Variants in SGCD observed in about 807,000 individuals in gnomAD.
SGCD encodes sarcoglycan delta.
In SGCD, 18 loss-of-function variants were observed where a neutral mutation model predicts 36.6. The ratio of observed to expected loss-of-function variants is 0.49; its 90% CI spans 0.34 to 0.73. The LOEUF (loss-of-function observed/expected upper bound fraction) is 0.73. Ranked by LOEUF, SGCD falls within the 30% of genes least tolerant of loss-of-function variation. The probability of loss-of-function intolerance (pLI) is 0.01; values close to 1 mark genes in which losing one functional copy is unlikely to be tolerated. For missense variants in SGCD, 387 were observed against 346.7 expected (o/e 1.12, Z -0.92); for synonymous variants, 133 against 130.6 (o/e 1.02, Z -0.12).
rs1561686121 is a variant in SGCD at position 156,423,429 on chromosome 5, A to ATATAATATATTATATTTTATTAT, written c.192+78752_192+78753insTATAATATATTATATTTTATTAT. ...TAATATAATATATTATATTTTAATA[A>ATATAATATATTATATTTTATTAT]AATATAATATATTTATTTTATTATA... On this transcript the variant is annotated intron_variant, in intron 3 of 8. Coordinates refer to ENST00000337851, the MANE Select transcript of SGCD (RefSeq NM_000337.6). Among the ~76,000 whole-genome samples the ATATAATATATTATATTTTATTAT allele has an allele frequency of 8.2e-4, 76 of 92,360 alleles. 5 individuals are homozygous for ATATAATATATTATATTTTATTAT. The highest frequency in any genetic ancestry group is 6.0e-3 in the Middle Eastern group (1 of 168). 60.6% of individuals were successfully genotyped at this position (92,360 alleles called of 152,430 possible). A position where few individuals can be genotyped will look rare whatever the true frequency, so the allele number is the denominator to read the frequency against.
chr5:156,604,970 G>A (rs111822218), intron 6 of SGCD, among the ~76,000 whole-genome samples: 4 of 151,778 alleles, frequency 2.6e-5, no homozygotes, highest in African/African-American at 9.7e-5. Flanking sequence ...GGGATTGAAA[G>A]ATTTACATAG....
At chr5:156,757,779 T>G (rs1376635261) in intron 8 of SGCD, 75 bp downstream of exon 8, 7 of 1,540,418 alleles carry the variant, frequency 4.5e-6, no homozygotes, top group Non-Finnish European at 6.1e-6. Context: ...CTGGTTGACC[T>G]CGGAGTTGGA....
At chr5:156,550,731 G>T (rs1209859811) in intron 4 of SGCD, among the ~76,000 whole-genome samples, 1 of 152,170 alleles carries the variant, frequency 6.6e-6, no homozygotes, top group Non-Finnish European at 1.5e-5. Flanking sequence ...TTACCTTTGA[G>T]CTAAGGCTCA....
chr5:155,927,726 G>A (rs1158896476), intron 1 of SGCD, among the ~76,000 whole-genome samples: 1 of 152,196 alleles, frequency 6.6e-6, no homozygotes, highest in African/African-American at 2.4e-5. Context: ...ATAAAACCAT[G>A]AAGTGGCCTT....
intron 3 of SGCD, among the ~76,000 whole-genome samples, chr5:156,466,133 CA>C (rs1754711349): frequency 6.6e-6 from 1 of 152,066 alleles, no homozygotes; most frequent in Non-Finnish European, 1.5e-5. Flanking sequence ...AATTATTTTT[CA>C]ATATATTGTG....
intron 1 of SGCD, among the ~76,000 whole-genome samples, chr5:155,909,750 C>G (rs1377803299): frequency 6.6e-6 from 1 of 152,098 alleles, no homozygotes; most frequent in Non-Finnish European, 1.5e-5. Context: ...TAGACTTTAG[C>G]TGAATATATT....
At chr5:156,325,540 T>G (rs1397067100), upstream of SGCD, among the ~76,000 whole-genome samples, 1 of 152,162 alleles carries the variant, frequency 6.6e-6, no homozygotes, top group African/African-American at 2.4e-5. Context: ...GTCAGTAAGA[T>G]GCAGAGCTAA....
chr5:156,607,508 T>C (rs1414826609), intron 6 of SGCD, among the ~76,000 whole-genome samples: 1 of 152,206 alleles, frequency 6.6e-6, no homozygotes, highest in African/African-American at 2.4e-5. Context: ...TAAAATTCTC[T>C]TTTTTGGTTG....
At chr5:156,595,088 A>T (rs1273594976) in intron 6 of SGCD, 37 bp downstream of exon 6, 1 of 1,585,024 alleles carries the variant, frequency 6.3e-7, no homozygotes, top group South Asian at 1.2e-5. Flanking sequence ...GTTTGATGCT[A>T]CTGTGTACAT....
At chr5:156,552,266 T>C (rs1485329383) in intron 4 of SGCD, among the ~76,000 whole-genome samples, 1 of 152,198 alleles carries the variant, frequency 6.6e-6, no homozygotes, top group Non-Finnish European at 1.5e-5. Flanking sequence ...AGTGGGTTTC[T>C]TCTTGGTGAC....
intron 3 of SGCD, among the ~76,000 whole-genome samples, chr5:156,127,004 C>T (rs1427548091): frequency 6.6e-6 from 1 of 151,960 alleles, no homozygotes; most frequent in Non-Finnish European, 1.5e-5. Flanking sequence ...ATTTAAAAAC[C>T]ACTGCTTAAC....
Position 156,565,955 on chromosome 5 carries a change from C to T in SGCD, c.295-23276C>T, listed in dbSNP as rs530868204. Among the ~76,000 whole-genome samples the T allele has an allele frequency of 5.7e-4, 87 of 152,258 alleles. 2 individuals carry two copies. In the South Asian group the frequency reaches 0.017, roughly 31 times the overall value. ...CTTTATCCAGTCTACCACTGATGGG[C>T]ATTTGAGTTAGTTCCAAGTCTTTGC... On this transcript the variant is annotated intron_variant, in intron 4 of 8. Coordinates refer to ENST00000337851, the MANE Select transcript of SGCD (RefSeq NM_000337.6).
intron 3 of SGCD, among the ~76,000 whole-genome samples, chr5:156,197,907 C>T (rs758079678): frequency 1.2e-4 from 18 of 151,994 alleles, no homozygotes; most frequent in African/African-American, 1.7e-4. Context: ...TATTAACATA[C>T]GTATCCCCTC....
chr5:156,522,726 C>T (rs943005026), intron 4 of SGCD, among the ~76,000 whole-genome samples: 2 of 136,156 alleles, frequency 1.5e-5, no homozygotes, highest in African/African-American at 5.4e-5. Context: ...TGTACATGTA[C>T]CCCAGCACTT....
upstream of SGCD, among the ~76,000 whole-genome samples, chr5:156,321,890 G>A (rs1240375488): frequency 6.6e-6 from 1 of 152,136 alleles, no homozygotes; most frequent in Non-Finnish European, 1.5e-5. Context: ...TTATGATTGA[G>A]TACATCTCTC....
intron 3 of SGCD, among the ~76,000 whole-genome samples, chr5:156,278,689 C>G (rs145704763): frequency 6.6e-6 from 1 of 152,114 alleles, no homozygotes; most frequent in Admixed American, 6.5e-5. Context: ...TTGTAGGATG[C>G]TTTTTTAAAT....
chr5:156,721,292 T>A (rs896636570), intron 7 of SGCD, among the ~76,000 whole-genome samples: 8 of 152,124 alleles, frequency 5.3e-5, no homozygotes, highest in Non-Finnish European at 4.4e-5. Context: ...TAAGATCACC[T>A]AGGAGGTAAG....
At chr5:156,003,980 A>C (rs1257891529) in intron 1 of SGCD, among the ~76,000 whole-genome samples, 1 of 152,242 alleles carries the variant, frequency 6.6e-6, no homozygotes, top group Non-Finnish European at 1.5e-5. Flanking sequence ...TTTTGTTTTA[A>C]TTTGAAAGCA....
At chr5:156,222,013 A>G (rs1764728517) in intron 3 of SGCD, among the ~76,000 whole-genome samples, 1 of 152,020 alleles carries the variant, frequency 6.6e-6, no homozygotes, top group Non-Finnish European at 1.5e-5. Flanking sequence ...AACTGGATGT[A>G]TTTGAGGGTC....
Sources: gnomAD v4.1 joint callset for allele counts (sites outside exome capture counted in the v4.1 genomes callset) on GRCh38, gnomAD v4.1.1 for gene constraint, MANE v1.5 for transcripts, NCBI Gene and HGNC (gene_info 2026-07-23, HGNC 2026-07-21) for gene names.